Variants in ETV1 observed in about 807,000 individuals in gnomAD.
ETV1 encodes the protein ETS variant transcription factor 1.
Under a neutral mutation model 62.3 loss-of-function variants are expected in ETV1, and 27 were observed. The observed-to-expected ratio is 0.43, with a 90% CI of 0.32 to 0.60. The LOEUF (loss-of-function observed/expected upper bound fraction) is 0.60, where lower values mean the gene tolerates loss of function less well. Among genes scored for constraint, ETV1 ranks in the 20% least tolerant of loss-of-function variants. The pLI is 0.06. For missense variants in ETV1, 605 were observed against 605.8 expected (o/e 1.00, Z 0.01); for synonymous variants, 222 against 199.6 (o/e 1.11, Z -0.94).
At chr7:13,921,641 G>A (rs1665241892) in intron 9 of ETV1, among the ~76,000 whole-genome samples, 1 of 152,018 alleles carries the variant, frequency 6.6e-6, no homozygotes, top group Non-Finnish European at 1.5e-5. Context: ...TTTAAACCTG[G>A]GAAGGATTAT....
chr7:13,942,585 A>C (rs1787682181), intron 6 of ETV1, among the ~76,000 whole-genome samples: 1 of 152,086 alleles, frequency 6.6e-6, no homozygotes, highest in African/African-American at 2.4e-5. Context: ...AGTAGCCCCC[A>C]GTGTCTGTTC....
intron 7 of ETV1, among the ~76,000 whole-genome samples, chr7:13,937,471 G>A (rs776517187): frequency 6.6e-6 from 1 of 152,160 alleles, no homozygotes; most frequent in Non-Finnish European, 1.5e-5. Flanking sequence ...TCACTGTGGG[G>A]ACTTTTCATC....
At chr7:13,919,565 TACACACACAC>T (rs35735011) in intron 9 of ETV1, among the ~76,000 whole-genome samples, 9 of 135,468 alleles carry the variant, frequency 6.6e-5, no homozygotes, top group South Asian at 4.7e-4. Context: ...ATAGAAACCA[TACACACACAC>T]ACACACACAC....
intron 6 of ETV1, among the ~76,000 whole-genome samples, chr7:13,946,626 C>A (rs1437035078): frequency 6.6e-6 from 1 of 152,108 alleles, no homozygotes; most frequent in Non-Finnish European, 1.5e-5. Flanking sequence ...CATTATTATT[C>A]TACCAGAGGA....
chr7:13,908,703 A>G (rs997285011), intron 11 of ETV1, among the ~76,000 whole-genome samples: 1 of 152,138 alleles, frequency 6.6e-6, no homozygotes, highest in Non-Finnish European at 1.5e-5. Flanking sequence ...GCTCGGGAAC[A>G]TGGGGTAGTC....
intron 6 of ETV1, among the ~76,000 whole-genome samples, chr7:13,961,789 CT>C: frequency 6.6e-6 from 1 of 152,140 alleles, no homozygotes. Flanking sequence ...CAGTGCAACA[CT>C]TTTTGTTTTT....
rs1322620926 is a variant in ETV1, at chr7:13,893,524, AT to A, written c.*2341del. 4 of 231,620 alleles carry A rather than the reference AT, an allele frequency of 1.7e-5. No individual in the cohort carries two copies. The highest frequency in any genetic ancestry group is 2.6e-5 in the Non-Finnish European group (3 of 117,218). The allele number at this position is 231,620 out of a possible 1,614,324, so 14.3% of individuals were successfully genotyped here. A position where few individuals can be genotyped will look rare whatever the true frequency, so the allele number is the denominator to read the frequency against. ...CCTTAAATATTATATAACTAATACC[AT>A]TTCTGCCATTGTTCTCTTGTGATAA... On this transcript the variant is annotated 3_prime_UTR_variant, in exon 14 of 14. Coordinates refer to ENST00000430479, the MANE Select transcript of ETV1 (RefSeq NM_004956.5).
At chr7:13,909,481 T>C in intron 11 of ETV1, 151 bp downstream of exon 11, 1 of 636,796 alleles carries the variant, frequency 1.6e-6, no homozygotes, top group South Asian at 2.0e-5. Context: ...AGAGATAAAT[T>C]GTAATAGGTC....
chr7:13,953,804 G>C (rs1562672613), intron 6 of ETV1, among the ~76,000 whole-genome samples: 2 of 152,174 alleles, frequency 1.3e-5, no homozygotes, highest in Non-Finnish European at 2.9e-5. Context: ...CTAACAAATA[G>C]TTTAGAACAA....
At chr7:13,939,601 A>C (rs9639170) in intron 6 of ETV1, among the ~76,000 whole-genome samples, 45,392 of 151,904 alleles carry the variant, frequency 0.3, 7,262 homozygotes, top group East Asian at 0.4. Flanking sequence ...AAAATTACAG[A>C]TGATTAGCCA....
At chr7:13,947,901 T>C (rs1447878433) in intron 6 of ETV1, among the ~76,000 whole-genome samples, 1 of 152,210 alleles carries the variant, frequency 6.6e-6, no homozygotes, top group Non-Finnish European at 1.5e-5. Context: ...TAGAGCTTTA[T>C]TTGGTGTTTT....
intron 9 of ETV1, among the ~76,000 whole-genome samples, chr7:13,913,828 AGG>A (rs1783823229): frequency 6.6e-6 from 1 of 151,144 alleles, no homozygotes; most frequent in Non-Finnish European, 1.5e-5. Flanking sequence ...TAAACTTATA[AGG>A]TTTAAGCCAG....
At chr7:13,935,267 T>C (rs981955831) in intron 8 of ETV1, among the ~76,000 whole-genome samples, 1 of 152,192 alleles carries the variant, frequency 6.6e-6, no homozygotes, top group African/African-American at 2.4e-5. Context: ...AAATAAGTTA[T>C]ATTCTGCAAA....
chr7:13,919,520 C>A (rs1784576423), intron 9 of ETV1, among the ~76,000 whole-genome samples: 1 of 148,002 alleles, frequency 6.8e-6, no homozygotes, highest in South Asian at 2.1e-4. Context: ...GAATTACTCT[C>A]CTGTAAAATT....
chr7:13,917,781 G>A (rs1461317737), intron 9 of ETV1, among the ~76,000 whole-genome samples: 3 of 151,954 alleles, frequency 2.0e-5, no homozygotes, highest in Non-Finnish European at 2.9e-5. Flanking sequence ...TGGCTAACAC[G>A]GTGAAACCCC....
chr7:13,952,080 G>A lies in ETV1; in HGVS notation c.236-12834C>T, dbSNP rs545936185. 5.3e-5 allele frequency among the ~76,000 whole-genome samples: 8 copies of A among 152,206 alleles called. No homozygotes were observed. In the East Asian group the frequency reaches 7.7e-4, roughly 15 times the overall value. On this transcript the variant is annotated intron_variant, in intron 6 of 13. Coordinates refer to ENST00000430479, the MANE Select transcript of ETV1 (RefSeq NM_004956.5). Reference sequence around the variant, plus strand: ...AAATAAATAAATAAACATGGAAAACGTCAGTTAGGACAAGGTATCCCGACA... The same window carrying A: ...AAATAAATAAATAAACATGGAAAACATCAGTTAGGACAAGGTATCCCGACA...
Position 13,893,559 on chromosome 7 carries a change from T to C in ETV1, c.*2307A>G, listed in dbSNP as rs2128396273. 1 of 231,894 alleles carries C rather than the reference T, an allele frequency of 4.3e-6. No homozygotes were observed. The highest frequency in any genetic ancestry group is 1.8e-4 in the South Asian group (1 of 5,506). 14.4% of individuals were successfully genotyped at this position (231,894 alleles called of 1,614,324 possible). On this transcript the variant is annotated 3_prime_UTR_variant, in exon 14 of 14. Coordinates refer to ENST00000430479, the MANE Select transcript of ETV1 (RefSeq NM_004956.5). Reference sequence around the variant, plus strand: ...TTGTTCTCTTGTGATAACGTTAGCATGGCCCAATTCTTCCTCACTGACTGA... The same window carrying C: ...TTGTTCTCTTGTGATAACGTTAGCACGGCCCAATTCTTCCTCACTGACTGA...
chr7:13,928,600 G>A (rs61211996), intron 9 of ETV1, among the ~76,000 whole-genome samples: 6,331 of 151,770 alleles, frequency 0.042, 204 homozygotes, highest in African/African-American at 0.089. Flanking sequence ...GCAACAGAGC[G>A]AGACTCCATC....
In ETV1 at chr7:13,955,622, C is replaced by T. The variant is rs146831684; in HGVS notation, c.236-16376G>A. 3.6e-3 allele frequency among the ~76,000 whole-genome samples: 554 copies of T among 152,212 alleles called. 3 individuals carry two copies. Among genetic ancestry groups the T allele is most frequent in the African/African-American group, 0.013 (534 of 41,520 alleles). ...GGCCATGAAATACACAGTGAGGAGACACTGTGTAAGACACCTATGTAAGAA... is the reference window on the plus strand; with the variant it reads ...GGCCATGAAATACACAGTGAGGAGATACTGTGTAAGACACCTATGTAAGAA... On this transcript the variant is annotated intron_variant, in intron 6 of 13. Transcript: ENST00000430479.
Sources: allele counts gnomAD v4.1 joint callset (sites outside exome capture counted in the v4.1 genomes callset), GRCh38; gene constraint gnomAD v4.1.1; transcripts MANE v1.5; gene names NCBI Gene and HGNC (gene_info 2026-07-23, HGNC 2026-07-21).